DCAF8L2: variants seen among roughly 807,000 people sequenced by gnomAD.
DCAF8L2 encodes the protein DDB1 and CUL4 associated factor 8 like 2, also known as DDB1- and CUL4-associated factor 8-like protein 2.
For missense variants in DCAF8L2, 430 were observed against 490.7 expected (o/e 0.88, Z 1.17); for synonymous variants, 200 against 190.9 (o/e 1.05, Z -0.39).
At chrX:27,728,113 G>A (rs1044703761) in intron 4 of DCAF8L2, among the ~76,000 whole-genome samples, 8 of 111,530 alleles carry the variant, frequency 7.2e-5, no homozygotes, top group African/African-American at 2.6e-4. Context: ...CGGGTGTGAA[G>A]TGCTACAATA....
At chrX:27,550,675 A>G in the DCAF8L2 span, among the ~76,000 whole-genome samples, 1 of 110,571 alleles carries the variant, frequency 9.0e-6, no homozygotes, top group African/African-American at 3.3e-5. Flanking sequence ...ACCTCTCTCC[A>G]TCTTCCCTCC....
intron 2 of DCAF8L2, among the ~76,000 whole-genome samples, chrX:27,635,611 A>G (rs904236987): frequency 8.9e-6 from 1 of 111,804 alleles, no homozygotes; most frequent in African/African-American, 3.3e-5. Context: ...CTTCCGGCCA[A>G]TTCAACATTT....
chrX:27,585,086 A>T, the DCAF8L2 span, among the ~76,000 whole-genome samples: 12 of 110,946 alleles, frequency 1.1e-4, no homozygotes, highest in Non-Finnish European at 2.1e-4. Context: ...TGAACTAAAA[A>T]ATATATAGAA....
At chrX:27,730,928 G>T (rs1337248419) in intron 4 of DCAF8L2, among the ~76,000 whole-genome samples, 1 of 110,911 alleles carries the variant, frequency 9.0e-6, no homozygotes, top group Non-Finnish European at 1.9e-5. Context: ...TCCCAATTTC[G>T]TATCACAGGC....
At chrX:27,478,092 T>C in the DCAF8L2 span, among the ~76,000 whole-genome samples, 1 of 111,319 alleles carries the variant, frequency 9.0e-6, no homozygotes, top group Admixed American at 9.6e-5. Context: ...AGGCTTGATA[T>C]CCAAGAAAGC....
intron 1 of DCAF8L2, among the ~76,000 whole-genome samples, chrX:27,610,458 C>T (rs1927106024): frequency 9.1e-6 from 1 of 110,445 alleles, no homozygotes; most frequent in South Asian, 3.8e-4. Context: ...CTTATTTTAA[C>T]GAAGGAAACA....
intron 4 of DCAF8L2, among the ~76,000 whole-genome samples, chrX:27,719,397 T>C (rs191905006): frequency 9.1e-6 from 1 of 110,424 alleles, no homozygotes; most frequent in Admixed American, 9.7e-5. Context: ...AGAAAGTGTA[T>C]TTTAAGAGGT....
chrX:27,643,634 A>G (rs1294816941), intron 2 of DCAF8L2, among the ~76,000 whole-genome samples: 2 of 111,918 alleles, frequency 1.8e-5, no homozygotes, highest in Non-Finnish European at 3.8e-5. Context: ...GTAAAACATA[A>G]TGTCCAACGT....
the DCAF8L2 span, among the ~76,000 whole-genome samples, chrX:27,572,317 C>T: frequency 1.8e-5 from 2 of 111,254 alleles, no homozygotes; most frequent in Admixed American, 9.6e-5. Context: ...TCTTGTCCAC[C>T]ATAGTTAGCT....
At chrX:27,677,593 C>G (rs1195007599) in intron 2 of DCAF8L2, among the ~76,000 whole-genome samples, 1 of 110,988 alleles carries the variant, frequency 9.0e-6, no homozygotes, top group Non-Finnish European at 1.9e-5. Context: ...GATGGGAGAT[C>G]AGAAAATCAG....
chrX:27,512,799 A>C, the DCAF8L2 span, among the ~76,000 whole-genome samples: 1 of 98,174 alleles, frequency 1.0e-5, no homozygotes, highest in Non-Finnish European at 2.0e-5. Context: ...AAAAAAAAAA[A>C]AAAAAAAAAA....
chrX:27,518,008 A>C, the DCAF8L2 span: 1 of 1,091,720 alleles, frequency 9.2e-7, no homozygotes, highest in Non-Finnish European at 1.3e-6. Context: ...TAAACTAAAT[A>C]AAAAGGTGAC....
chrX:27,591,622 A>T (rs756926696), intron 1 of DCAF8L2, among the ~76,000 whole-genome samples: 4 of 111,696 alleles, frequency 3.6e-5, no homozygotes, highest in Admixed American at 9.5e-5. Context: ...GTTCTTTTAT[A>T]TGTATTATTT....
chrX:27,665,383 A>G (rs1002176990), intron 2 of DCAF8L2, among the ~76,000 whole-genome samples: 2 of 111,861 alleles, frequency 1.8e-5, no homozygotes, highest in African/African-American at 6.5e-5. Context: ...TTTCATCATA[A>G]AAGTTTAATG....
intron 1 of DCAF8L2, among the ~76,000 whole-genome samples, chrX:27,606,382 T>TATATATATA (rs1358332870): frequency 7.4e-5 from 6 of 81,092 alleles, no homozygotes; most frequent in Non-Finnish European, 1.4e-4. Flanking sequence ...TATATATATA[T>TATATATATA]TCTTTTGAGA....
chrX:27,579,949 T>C, the DCAF8L2 span, among the ~76,000 whole-genome samples: 5 of 109,224 alleles, frequency 4.6e-5, no homozygotes, highest in Admixed American at 2.0e-4. Flanking sequence ...ATAAAATATA[T>C]TATAAATATA....
At chrX:27,688,083 A>G (rs1930576510) in intron 3 of DCAF8L2, among the ~76,000 whole-genome samples, 1 of 111,539 alleles carries the variant, frequency 9.0e-6, no homozygotes, top group African/African-American at 3.3e-5. Flanking sequence ...TGAGTGGAAA[A>G]CTGTTCTGTA....
intron 2 of DCAF8L2, among the ~76,000 whole-genome samples, chrX:27,671,080 A>G (rs192969245): frequency 3.0e-4 from 33 of 111,674 alleles, no homozygotes; most frequent in Non-Finnish European, 5.5e-4. Flanking sequence ...AGGTTCTGAG[A>G]TTACCCAATG....
the DCAF8L2 span, among the ~76,000 whole-genome samples, chrX:27,543,890 C>A: frequency 5.4e-5 from 6 of 111,120 alleles, no homozygotes; most frequent in African/African-American, 1.6e-4. Flanking sequence ...TGACCCCCAA[C>A]AATATACTTC....
Sources: gnomAD v4.1 joint callset for allele counts (sites outside exome capture counted in the v4.1 genomes callset) on GRCh38, gnomAD v4.1.1 for gene constraint, MANE v1.5 for transcripts, NCBI Gene and HGNC (gene_info 2026-07-23, HGNC 2026-07-21) for gene names.